Variants in GAK observed in about 807,000 individuals in gnomAD.
GAK encodes cyclin-G-associated kinase.
GAK carries 79 observed loss-of-function variants against 143.9 expected under a neutral mutation model. The ratio of observed to expected loss-of-function variants is 0.55; its 90% CI spans 0.46 to 0.66. The LOEUF (loss-of-function observed/expected upper bound fraction) is 0.66. Ranked by LOEUF, GAK falls within the 30% of genes least tolerant of loss-of-function variation. The probability of loss-of-function intolerance (pLI) is 0.00; values close to 1 mark genes in which losing one functional copy is unlikely to be tolerated. For synonymous variants in GAK, 881 were observed against 765.5 expected, an observed-to-expected ratio of 1.15 and a Z score of -2.49; for missense variants, 1,693 against 1,779.7, an observed-to-expected ratio of 0.95 and a Z score of 0.88.
chr4:929,546 A>G (rs1725351387), intron 1 of GAK, among the ~76,000 whole-genome samples: 1 of 152,146 alleles, frequency 6.6e-6, no homozygotes, highest in African/African-American at 2.4e-5. Flanking sequence ...GCTCCTGATA[A>G]TCTGCCTTTT....
rs201308050 is a variant in GAK, at chr4:866,527, G to T, written c.2880C>A (p.Pro960=). The T allele has an allele frequency of 3.1e-6, 5 of 1,613,486 alleles. No individual in the cohort carries two copies. The African/African-American group carries it at 6.7e-5, about 21-fold the overall frequency. The change falls in exon 22 of 28, where the codon CCC becomes CCA. Residue 960 remains proline (P), a synonymous_variant. Transcript: ENST00000314167. ...PRGGPPAAAD[P]FGPLLPSSGN... Reference sequence around the variant, plus strand: ...CTGAAGACGGCAGAAGCGGGCCAAAGGGGTCAGCTGTGGGGACAGGCGGGC... The same window carrying T: ...CTGAAGACGGCAGAAGCGGGCCAAATGGGTCAGCTGTGGGGACAGGCGGGC...
intron 7 of GAK, 185 bp from the exon 8 acceptor site, chr4:894,194 G>A: frequency 1.6e-6 from 1 of 634,714 alleles, no homozygotes; most frequent in Non-Finnish European, 2.4e-6. Context: ...GGGAACATGG[G>A]AAATGCAGGG....
chr4:885,731 G>T (rs562757394), intron 11 of GAK: 1 of 152,124 alleles, frequency 6.6e-6, no homozygotes, highest in African/African-American at 2.4e-5. Flanking sequence ...GTCCGTGGGG[G>T]AGAGCCAGAA....
intron 7 of GAK, 127 bp from the exon 8 acceptor site, chr4:894,136 G>C: frequency 8.8e-7 from 1 of 1,141,596 alleles, no homozygotes; most frequent in Non-Finnish European, 1.2e-6. Context: ...GAGCCGTGGG[G>C]AGCGCAGGGG....
intron 9 of GAK, 79 bp from the exon 10 acceptor site, chr4:890,701 G>A (rs1388683588): frequency 1.7e-6 from 2 of 1,188,052 alleles, no homozygotes; most frequent in Non-Finnish European, 2.4e-6. Context: ...GGTACGGTAT[G>A]GGTGCCCTCA....
Position 868,554 on chromosome 4 carries a change from T to G in GAK, c.2380A>C (p.Thr794Pro), listed in dbSNP as rs147004796. ...CGCTGCCTACCCTGCCAGTCCAGCG[T>G]GTGCAGGAAGCGACTGGCGTCCGCG... ...SSADASRFLH[T>P]LDWQEEKEAE... Residue 794 changes from threonine to proline, a missense_variant, in exon 20 of 28, where the codon ACG (threonine) becomes CCG (proline). By Grantham distance (38) the Thr-to-Pro change is conservative (BLOSUM62 -1). Transcript: ENST00000314167. The G allele has an allele frequency of 5.0e-6, 8 of 1,607,960 alleles. No individual in the cohort carries two copies. Among genetic ancestry groups the G allele is most frequent in the African/African-American group, 1.3e-5 (1 of 74,828 alleles).
chr4:888,920 G>C lies in GAK; in HGVS notation c.1132C>G (p.Leu378Val). 6.2e-7 allele frequency: 1 copy of C among 1,612,612 alleles called. No homozygotes were observed. The highest frequency in any genetic ancestry group is 8.5e-7 in the Non-Finnish European group (1 of 1,179,722). Residue 378 changes from leucine (L) to valine (V), a missense_variant, in exon 11 of 28, where the codon CTG becomes GTG. Leu to Val is a conservative substitution (Grantham distance 32, BLOSUM62 1). Transcript: ENST00000314167. ...DQPYGGFLDI[L>V]RGGTERLFTN... Reference sequence around the variant, plus strand: ...AAGAGCCGCTCTGTCCCACCCCGCAGAATGTCCAGGAAGCCGCCATACGGC... The same window carrying C: ...AAGAGCCGCTCTGTCCCACCCCGCACAATGTCCAGGAAGCCGCCATACGGC...
At chr4:868,911 G>A (rs1577088143) in intron 19 of GAK, 40 of 551,288 alleles carry the variant, frequency 7.3e-5, no homozygotes, top group East Asian at 5.8e-4. Context: ...CACAGCACAC[G>A]CACACATGAA....
At chr4:852,881 T>G (rs1191217312) in intron 24 of GAK, 1 of 152,240 alleles carries the variant, frequency 6.6e-6, no homozygotes, top group Non-Finnish European at 1.5e-5. Flanking sequence ...CCGCGCCACC[T>G]ACAGATGCAC....
chr4:905,570 G>A (rs959265614), intron 4 of GAK, among the ~76,000 whole-genome samples: 8 of 144,044 alleles, frequency 5.6e-5, no homozygotes, highest in Non-Finnish European at 9.0e-5. Flanking sequence ...GCCATGCTAC[G>A]GACTTCGCCA....
intron 5 of GAK, among the ~76,000 whole-genome samples, chr4:899,225 C>T (rs957356829): frequency 2.0e-5 from 3 of 152,244 alleles, no homozygotes; most frequent in African/African-American, 4.8e-5. Flanking sequence ...ACAGATCTTT[C>T]GGAAGATGGC....
intron 5 of GAK, among the ~76,000 whole-genome samples, chr4:903,596 G>A (rs1463528693): frequency 6.6e-6 from 1 of 150,386 alleles, no homozygotes; most frequent in Non-Finnish European, 1.5e-5. Context: ...GCTGAGGAAG[G>A]AGCGTGGGAT....
In GAK at chr4:876,328, G is replaced by C. The variant is rs535048802; in HGVS notation, c.2054+202C>G. On this transcript the variant is annotated intron_variant, in intron 18 of 27. Transcript: ENST00000314167. ...CTAACAGACACACACACCAACGGGGGGGCAGAGCAGCAGCCACCGGGTCCA... is the reference window on the plus strand; with the variant it reads ...CTAACAGACACACACACCAACGGGGCGGCAGAGCAGCAGCCACCGGGTCCA... Among the ~76,000 whole-genome samples, 3 of 151,912 alleles carry C rather than the reference G, an allele frequency of 2.0e-5. No individual in the cohort carries two copies. In the East Asian group the frequency reaches 5.9e-4, roughly 30 times the overall value.
chr4:914,880 A>G, intron 1 of GAK, among the ~76,000 whole-genome samples: 1 of 104,752 alleles, frequency 9.5e-6, no homozygotes, highest in African/African-American at 3.8e-5. Context: ...ACACACACAC[A>G]GCCCCAGCGT....
Position 849,660 on chromosome 4 carries a change from C to T in GAK, c.*13G>A. ...CCTGTGGAGCTGTGTGCGCAGCCACCACCACTGCGGCCTCAGAAGAGGGGC... is the reference window on the plus strand; with the variant it reads ...CCTGTGGAGCTGTGTGCGCAGCCACTACCACTGCGGCCTCAGAAGAGGGGC... On this transcript the variant is annotated 3_prime_UTR_variant, in exon 28 of 28. Transcript: ENST00000314167. 6.2e-7 allele frequency: 1 copy of T among 1,600,706 alleles called. No homozygotes were observed. Among genetic ancestry groups the T allele is most frequent in the African/African-American group, 1.3e-5 (1 of 74,816 alleles).
intron 23 of GAK, among the ~76,000 whole-genome samples, chr4:861,421 A>G (rs1750254935): frequency 1.3e-5 from 2 of 152,150 alleles, no homozygotes; most frequent in Non-Finnish European, 2.9e-5. Flanking sequence ...CCCCATCTCT[A>G]CAAAAAATAA....
At chr4:871,158 G>A (rs184979953) in intron 18 of GAK, among the ~76,000 whole-genome samples, 62 of 152,360 alleles carry the variant, frequency 4.1e-4, no homozygotes, top group African/African-American at 1.4e-3. Flanking sequence ...CTCGCTCCTC[G>A]GACGTCACAG....
chr4:861,644 A>T (rs1473478323), intron 23 of GAK, among the ~76,000 whole-genome samples: 5 of 152,262 alleles, frequency 3.3e-5, no homozygotes, highest in Admixed American at 1.3e-4. Context: ...CCAGCAAGCC[A>T]AATTGTGAAT....
At chr4:859,911 C>T (rs975600935) in intron 23 of GAK, among the ~76,000 whole-genome samples, 189 bp from the exon 24 acceptor site, 1 of 152,174 alleles carries the variant, frequency 6.6e-6, no homozygotes, top group South Asian at 2.1e-4. Flanking sequence ...CTCCATGCCC[C>T]ATGCTGCTCC....
Sources: gnomAD v4.1 joint callset for allele counts (sites outside exome capture counted in the v4.1 genomes callset) on GRCh38, gnomAD v4.1.1 for gene constraint, MANE v1.5 for transcripts, NCBI Gene and HGNC (gene_info 2026-07-23, HGNC 2026-07-21) for gene names.